The following SNX13 variants were observed in gnomAD, a reference collection of about 807,000 sequenced individuals.
SNX13 encodes sorting nexin-13.
In SNX13, 45 loss-of-function variants were observed where a neutral mutation model predicts 133.6. The observed-to-expected ratio is 0.34, with a 90% CI of 0.27 to 0.43. SNX13 has a LOEUF of 0.43. Ranked by LOEUF, SNX13 falls within the 20% of genes least tolerant of loss-of-function variation. The pLI is 1.00. For synonymous variants in SNX13, 414 were observed against 373.9 expected (o/e 1.11, Z -1.24); for missense variants, 1,032 against 1,145.1 (o/e 0.90, Z 1.43).
At chr7:17,858,795 C>T (rs947689764) in intron 9 of SNX13, among the ~76,000 whole-genome samples, 2 of 151,966 alleles carry the variant, frequency 1.3e-5, no homozygotes, top group African/African-American at 4.8e-5. Flanking sequence ...AAGAAGAGGC[C>T]AGAATCAGAA....
chr7:17,889,968 CA>C (rs1268284591), intron 5 of SNX13: 1 of 154,590 alleles, frequency 6.5e-6, no homozygotes, highest in Non-Finnish European at 1.4e-5. Context: ...AGGGTTACAG[CA>C]AAACTATGTG....
chr7:17,820,392 T>A (rs1043458127), intron 18 of SNX13, among the ~76,000 whole-genome samples: 21 of 152,142 alleles, frequency 1.4e-4, no homozygotes, highest in African/African-American at 4.8e-4. Context: ...AAAGCAATTA[T>A]TTCTTCAATG....
At chr7:17,895,120 A>G (rs887809936) in intron 2 of SNX13, among the ~76,000 whole-genome samples, 1 of 152,222 alleles carries the variant, frequency 6.6e-6, no homozygotes, top group Non-Finnish European at 1.5e-5. Flanking sequence ...GTGTTATTAA[A>G]AACATCATCA....
At chr7:17,856,288 C>T (rs975294159) in intron 9 of SNX13, among the ~76,000 whole-genome samples, 2 of 151,994 alleles carry the variant, frequency 1.3e-5, no homozygotes, top group Non-Finnish European at 2.9e-5. Context: ...TTTTGTAAGC[C>T]TCATGGTAAT....
At chr7:17,867,253 C>T (rs188379978) in intron 9 of SNX13, among the ~76,000 whole-genome samples, 213 of 152,244 alleles carry the variant, frequency 1.4e-3, no homozygotes, top group African/African-American at 4.8e-3. Context: ...CAATTAATAA[C>T]AACTTTTGTC....
At chr7:17,820,782 A>G (rs1242887133) in intron 18 of SNX13, among the ~76,000 whole-genome samples, 1 of 152,174 alleles carries the variant, frequency 6.6e-6, no homozygotes, top group Non-Finnish European at 1.5e-5. Context: ...TACCAGTTGT[A>G]TACCTAAAAT....
intron 1 of SNX13, among the ~76,000 whole-genome samples, chr7:17,930,497 T>C (rs1299094893): frequency 1.3e-5 from 2 of 152,190 alleles, no homozygotes; most frequent in Non-Finnish European, 2.9e-5. Flanking sequence ...ATAAATTTTG[T>C]GTTAGTGCCT....
At chr7:17,830,917 G>C (rs1788414944) in intron 15 of SNX13, 1 of 984,208 alleles carries the variant, frequency 1.0e-6, no homozygotes, top group East Asian at 1.1e-4. Flanking sequence ...AGCTGATATT[G>C]CCTTCCAAAT....
chr7:17,912,477 T>C (rs1245772711), intron 1 of SNX13, among the ~76,000 whole-genome samples: 1 of 152,046 alleles, frequency 6.6e-6, no homozygotes, highest in Non-Finnish European at 1.5e-5. Context: ...TGGCATGATC[T>C]TGACTCACTG....
chr7:17,895,398 A>G (rs1039064260), intron 2 of SNX13, among the ~76,000 whole-genome samples: 1 of 152,186 alleles, frequency 6.6e-6, no homozygotes, highest in Non-Finnish European at 1.5e-5. Context: ...TCTTTCCAAA[A>G]GCATTCTTTA....
intron 1 of SNX13, among the ~76,000 whole-genome samples, chr7:17,922,430 T>G (rs1415267924): frequency 6.6e-6 from 1 of 152,226 alleles, no homozygotes; most frequent in Non-Finnish European, 1.5e-5. Context: ...GTATGTTTTG[T>G]TCAGTGTTGT....
chr7:17,804,259 A>G (rs2128289079), intron 20 of SNX13, among the ~76,000 whole-genome samples: 3 of 152,332 alleles, frequency 2.0e-5, no homozygotes, highest in Admixed American at 2.0e-4. Flanking sequence ...AGAATTAGCC[A>G]CTATATACTT....
intron 25 of SNX13, 80 bp from the exon 26 acceptor site, chr7:17,794,372 G>A: frequency 1.3e-6 from 2 of 1,482,182 alleles, no homozygotes; most frequent in Non-Finnish European, 1.8e-6. Context: ...TTAAATTAAG[G>A]TACACAGCAG....
chr7:17,867,508 G>A (rs957357301), intron 9 of SNX13, among the ~76,000 whole-genome samples: 5 of 152,090 alleles, frequency 3.3e-5, no homozygotes, highest in Admixed American at 2.0e-4. Flanking sequence ...TTGGGAGGCT[G>A]AAGCGGGAGG....
chr7:17,809,953 T>C (rs765607078), intron 20 of SNX13, among the ~76,000 whole-genome samples: 2 of 152,170 alleles, frequency 1.3e-5, no homozygotes, highest in African/African-American at 2.4e-5. Flanking sequence ...CCAGAATCTC[T>C]GGGACACAGC....
intron 1 of SNX13, among the ~76,000 whole-genome samples, chr7:17,901,512 A>G (rs150820675): frequency 1.4e-4 from 22 of 152,204 alleles, no homozygotes; most frequent in Middle Eastern, 3.4e-3. Flanking sequence ...CCCTCTGCCT[A>G]GGACTGGTCC....
intron 1 of SNX13, among the ~76,000 whole-genome samples, chr7:17,915,423 C>T (rs1799439575): frequency 6.6e-6 from 1 of 152,330 alleles, no homozygotes; most frequent in East Asian, 1.9e-4. Context: ...CTAAGTTACA[C>T]CCTCTTGTAA....
intron 22 of SNX13, among the ~76,000 whole-genome samples, chr7:17,799,538 C>G (rs1583449465): frequency 6.6e-6 from 1 of 151,700 alleles, no homozygotes; most frequent in South Asian, 2.1e-4. Flanking sequence ...ATAAGATATT[C>G]TCAACATCTC....
At chr7:17,852,190 A>G (rs985173854) in intron 9 of SNX13, among the ~76,000 whole-genome samples, 4 of 152,352 alleles carry the variant, frequency 2.6e-5, no homozygotes, top group Admixed American at 2.0e-4. Flanking sequence ...CCTGGCCAAC[A>G]TGGTGAAACC....
Sources: gnomAD v4.1 joint callset for allele counts (sites outside exome capture counted in the v4.1 genomes callset) on GRCh38, gnomAD v4.1.1 for gene constraint, MANE v1.5 for transcripts, NCBI Gene and HGNC (gene_info 2026-07-23, HGNC 2026-07-21) for gene names.